The following LANCL1 variants were observed in gnomAD, a reference collection of about 807,000 sequenced individuals.
The protein encoded by LANCL1 is LanC like glutathione S-transferase 1.
Under a neutral mutation model 50.6 loss-of-function variants are expected in LANCL1, and 50 were observed. That is an observed-to-expected ratio of 0.99 (90% CI 0.79 to 1.25). The LOEUF is 1.25. Ranked by LOEUF, LANCL1 falls within the 50% of genes most tolerant of loss-of-function variation. The pLI, the probability that LANCL1 is intolerant of heterozygous loss-of-function variation, is 0.00. For missense variants in LANCL1, 532 were observed against 480.7 expected (o/e 1.11, Z -1.00); for synonymous variants, 188 against 178.6 (o/e 1.05, Z -0.42).
At chr2:210,461,205 C>T (rs1693847648) in intron 3 of LANCL1, among the ~76,000 whole-genome samples, 1 of 151,996 alleles carries the variant, frequency 6.6e-6, no homozygotes, top group African/African-American at 2.4e-5. Context: ...GTCTAAACTC[C>T]ACAATTGCAT....
chr2:210,471,672 T>C (rs761795520), intron 3 of LANCL1: 3 of 570,550 alleles, frequency 5.3e-6, no homozygotes, highest in Admixed American at 4.3e-5. Flanking sequence ...AAATTAACTA[T>C]GTAATATTGA....
intron 4 of LANCL1, among the ~76,000 whole-genome samples, chr2:210,454,898 A>T (rs1693617781): frequency 1.3e-5 from 2 of 152,208 alleles, no homozygotes; most frequent in Non-Finnish European, 2.9e-5. Context: ...AATCTGGAAC[A>T]TGACAGTGTC....
At chr2:210,461,808 T>TG (rs1265102217) in intron 3 of LANCL1, among the ~76,000 whole-genome samples, 2 of 151,402 alleles carry the variant, frequency 1.3e-5, no homozygotes, top group Non-Finnish European at 2.9e-5. Flanking sequence ...CAGTTAAGAG[T>TG]GGGAAAAAAA....
chr2:210,449,540 A>T (rs1483841056), intron 4 of LANCL1, among the ~76,000 whole-genome samples: 1 of 152,194 alleles, frequency 6.6e-6, no homozygotes. Context: ...GGGTACTCAG[A>T]TAGGAACAGA....
At chr2:210,444,109 A>G (rs552660783) in intron 4 of LANCL1, among the ~76,000 whole-genome samples, 17 of 152,304 alleles carry the variant, frequency 1.1e-4, no homozygotes, top group African/African-American at 3.8e-4. Flanking sequence ...TTGTGCTTTC[A>G]TTTGAACATA....
chr2:210,450,674 T>C (rs981566804), intron 4 of LANCL1, among the ~76,000 whole-genome samples: 1 of 152,090 alleles, frequency 6.6e-6, no homozygotes, highest in Non-Finnish European at 1.5e-5. Flanking sequence ...GCAAAAGATA[T>C]GAACAGATAC....
At chr2:210,474,895 C>T (rs1318572748) in intron 2 of LANCL1, among the ~76,000 whole-genome samples, 3 of 152,156 alleles carry the variant, frequency 2.0e-5, no homozygotes, top group African/African-American at 7.2e-5. Context: ...GTCCTCCTCC[C>T]GCAAGACAAG....
intron 4 of LANCL1, among the ~76,000 whole-genome samples, chr2:210,448,362 G>T (rs1693410820): frequency 6.6e-6 from 1 of 152,228 alleles, no homozygotes; most frequent in Admixed American, 6.5e-5. Flanking sequence ...GCGTTTAGAG[G>T]GAAATTTATA....
chr2:210,441,316 T>A lies in LANCL1; in HGVS notation c.535A>T (p.Ile179Phe). The A allele has an allele frequency of 6.2e-7, 1 of 1,612,328 alleles. No individual in the cohort carries two copies. Among genetic ancestry groups the A allele is most frequent in the South Asian group, 1.1e-5 (1 of 90,790 alleles). The change falls in exon 5 of 10, where the codon ATT (isoleucine) becomes TTT (phenylalanine). Residue 179 changes from isoleucine to phenylalanine, a missense_variant. Coordinates refer to ENST00000450366, the MANE Select transcript of LANCL1 (RefSeq NM_006055.3). Reference protein sequence around the residue: ...FGVEKIPQSHIQQICETILTS... With the variant: ...FGVEKIPQSHFQQICETILTS... ...ACACAAAAACGTGGTACCTGCTGAA[T>A]ATGGCTTTGAGGAATCTTTTCCACT...
chr2:210,461,452 C>T (rs1172887879), intron 3 of LANCL1, among the ~76,000 whole-genome samples: 2 of 152,104 alleles, frequency 1.3e-5, no homozygotes, highest in South Asian at 2.1e-4. Context: ...AGAGTGACTC[C>T]TTTCAAGTAA....
At chr2:210,474,059 TTC>T (rs1694291961) in intron 2 of LANCL1, among the ~76,000 whole-genome samples, 1 of 152,350 alleles carries the variant, frequency 6.6e-6, no homozygotes, top group East Asian at 1.9e-4. Flanking sequence ...GGAAGTTACT[TTC>T]TGTTTGGCAC....
chr2:210,474,755 T>TAAATAAATAAATA (rs1415691104), intron 2 of LANCL1, among the ~76,000 whole-genome samples: 1 of 151,362 alleles, frequency 6.6e-6, no homozygotes, highest in African/African-American at 2.4e-5. Flanking sequence ...AATAAATAAA[T>TAAATAAATAAATA]AAATAAAGGG....
chr2:210,434,520 G>A lies in LANCL1; in HGVS notation c.1167C>T (p.Pro389=). 6.2e-7 allele frequency: 1 copy of A among 1,613,310 alleles called. No homozygotes were observed. Among genetic ancestry groups the A allele is most frequent in the Non-Finnish European group, 8.5e-7 (1 of 1,179,602 alleles). The change falls in exon 10 of 10, where the codon CCC becomes CCT. Residue 389 remains proline (P), a synonymous_variant. Coordinates refer to ENST00000450366, the MANE Select transcript of LANCL1 (RefSeq NM_006055.3). ...CAAATGCAGGGAACCTGGCTTTTGT[G>A]GGGACTAGCAGGTCAGCCAGGAAAT... The part of the protein sequence containing the change: ...TIYFLADLLV[P]TKARFPAFEL
intron 8 of LANCL1, 40 bp from the exon 9 acceptor site, chr2:210,435,499 T>G: frequency 6.6e-7 from 1 of 1,517,780 alleles, no homozygotes; most frequent in South Asian, 1.1e-5. Context: ...AGTGATTTCT[T>G]CCAGAGACAA....
chr2:210,476,330 C>G lies in LANCL1; in HGVS notation c.67G>C (p.Asp23His), dbSNP rs764915428. The change falls in exon 2 of 10, where the codon GAT becomes CAT. Residue 23 changes from aspartate (D) to histidine (H), a missense_variant. By Grantham distance (81) the Asp-to-His change is moderately conservative (BLOSUM62 -1). Transcript: ENST00000450366. The stretch of plus-strand genomic sequence containing the variant: ...CCTAAACTCACCCTCCCGGCAGCAT[C>G]AAAGTAGCCTTCGGCCAGGGATTTG... ...YNKSLAEGYFDAAGRLTPEFS... is the reference protein window; with the variant it reads ...YNKSLAEGYFHAAGRLTPEFS... The G allele has an allele frequency of 2.5e-6, 4 of 1,613,850 alleles. No individual in the cohort carries two copies. Among genetic ancestry groups the G allele is most frequent in the Non-Finnish European group, 3.4e-6 (4 of 1,179,744 alleles).
chr2:210,451,858 G>A (rs1693521175), intron 4 of LANCL1, among the ~76,000 whole-genome samples: 1 of 152,162 alleles, frequency 6.6e-6, no homozygotes, highest in African/African-American at 2.4e-5. Context: ...TCATTGAAAG[G>A]AACAAAGTTT....
chr2:210,464,611 CTATTT>C (rs1346529142), intron 3 of LANCL1, among the ~76,000 whole-genome samples: 2 of 152,090 alleles, frequency 1.3e-5, no homozygotes, highest in Non-Finnish European at 2.9e-5. Flanking sequence ...AGTTACTAGT[CTATTT>C]TATCACTAGG....
At position 210,434,700 on chromosome 2, in the gene LANCL1, G is replaced by A. The variant is rs897815490; in HGVS notation, c.1124-137C>T. On this transcript the variant is annotated intron_variant, in intron 9 of 9. Transcript: ENST00000450366. Reference sequence around the variant, plus strand: ...ATTCAAACACACAAACATCAACAAAGGGTGCCCACCAGTGATGGCCTCGTC... The same window carrying A: ...ATTCAAACACACAAACATCAACAAAAGGTGCCCACCAGTGATGGCCTCGTC... 4.4e-6 allele frequency: 3 copies of A among 675,084 alleles called. No individual in the cohort carries two copies. The Admixed American group carries it at 7.4e-5, about 17-fold the overall frequency. 41.8% of individuals were successfully genotyped at this position (675,084 alleles called of 1,614,324 possible). A position where few individuals can be genotyped will look rare whatever the true frequency, so the allele number is the denominator to read the frequency against.
chr2:210,436,377 T>A lies in LANCL1; in HGVS notation c.889A>T (p.Lys297Ter). 1 of 1,613,900 alleles carries A rather than the reference T, an allele frequency of 6.2e-7. No individual in the cohort carries two copies. Among genetic ancestry groups the A allele is most frequent in the Non-Finnish European group, 8.5e-7 (1 of 1,179,858 alleles). ...IQAYKVFREE[K>*]YLCDAYQCAD... ...CACTGATAGGCATCACAGAGATACTTTTCCTCTCTGAATACCTGCAGAGGC... is the reference window on the plus strand; with the variant it reads ...CACTGATAGGCATCACAGAGATACTATTCCTCTCTGAATACCTGCAGAGGC... Residue 297 changes from lysine (K) to a stop codon, truncating the protein, a stop_gained, in exon 8 of 10, where the codon AAG becomes TAG. Coordinates refer to ENST00000450366, the MANE Select transcript of LANCL1 (RefSeq NM_006055.3). LOFTEE classifies it high-confidence loss of function.
Sources: allele counts gnomAD v4.1 joint callset (sites outside exome capture counted in the v4.1 genomes callset), GRCh38; gene constraint gnomAD v4.1.1; transcripts MANE v1.5; gene names NCBI Gene and HGNC (gene_info 2026-07-23, HGNC 2026-07-21).